The following SDC3 variants were observed in gnomAD, a reference collection of about 807,000 sequenced individuals.
SDC3 encodes the protein syndecan 3.
SDC3 carries 13 observed loss-of-function variants against 24.4 expected under a neutral mutation model. That is an observed-to-expected ratio of 0.53 (90% CI 0.35 to 0.85). SDC3 has a LOEUF of 0.85. Among genes scored for constraint, SDC3 ranks in the 40% least tolerant of loss-of-function variants. The probability of loss-of-function intolerance (pLI) is 0.01; values close to 1 mark genes in which losing one functional copy is unlikely to be tolerated. For synonymous variants in SDC3, 295 were observed against 260.9 expected, an observed-to-expected ratio of 1.13 and a Z score of -1.26; for missense variants, 571 against 584.5, an observed-to-expected ratio of 0.98 and a Z score of 0.24.
intron 1 of SDC3, among the ~76,000 whole-genome samples, chr1:30,881,055 G>A (rs1283210160): frequency 7.8e-6 from 1 of 128,402 alleles, no homozygotes; most frequent in Middle Eastern, 4.7e-3. Flanking sequence ...ACACACACAC[G>A]ACAGCCCAAC....
At position 30,877,087 on chromosome 1, in the gene SDC3, G is replaced by A. The variant is rs764498159; in HGVS notation, c.335C>T (p.Ala112Val). The change falls in exon 3 of 5, where the codon GCG becomes GTG. Residue 112 changes from alanine (A) to valine (V), a missense_variant. By Grantham distance (64) the Ala-to-Val change is moderately conservative. Transcript: ENST00000339394. ...CTGGATGTTCGTGGTGGGCAGCACC[G>A]CAGGTGTGGTGGACACCGCCAGGGC... ...DVALAVSTTP[A>V]VLPTTNIQPV... is the part of the protein sequence containing the mutation. 20 of 1,613,842 alleles carry A rather than the reference G, an allele frequency of 1.2e-5. No individual in the cohort carries two copies. The highest frequency in any genetic ancestry group is 5.0e-5 in the Admixed American group (3 of 59,988).
chr1:30,894,132 T>A lies in SDC3; in HGVS notation c.138+14317A>T, dbSNP rs538599436. On this transcript the variant is annotated intron_variant, in intron 1 of 4. Transcript: ENST00000339394. ...TCAGAGCCCCAGCAGTGTGTGTGTG[T>A]GAGAGAGAGTGTGTGATTGTGAGTG... 5.3e-5 allele frequency among the ~76,000 whole-genome samples: 8 copies of A among 151,356 alleles called. No homozygotes were observed. The South Asian group carries it at 8.4e-4, about 16-fold the overall frequency.
chr1:30,896,951 A>G (rs1348246818), intron 1 of SDC3, among the ~76,000 whole-genome samples: 2 of 152,218 alleles, frequency 1.3e-5, no homozygotes, highest in Admixed American at 6.5e-5. Flanking sequence ...CAACAGAGTA[A>G]AAGTCCATGC....
chr1:30,908,619 G>A lies in SDC3; in HGVS notation c.-33C>T, dbSNP rs1179357161. On this transcript the variant is annotated 5_prime_UTR_variant, in exon 1 of 5. Coordinates refer to ENST00000339394, the MANE Select transcript of SDC3 (RefSeq NM_014654.4). ...GCGCGGGCGCGGGCGGCGGGCGGCG[G>A]GCGGGCGCCTTTGTTCCCGAGGCGC... The A allele has an allele frequency of 2.2e-6, 2 of 899,552 alleles. No homozygotes were observed. The highest frequency in any genetic ancestry group is 2.6e-6 in the Non-Finnish European group (2 of 755,310). The allele number at this position is 899,552 out of a possible 1,614,324, so 55.7% of individuals were successfully genotyped here.
rs555953688 is a variant in SDC3, at chr1:30,906,102, GATCTAACCTC to G, written c.138+2337_138+2346del. 3.1e-3 allele frequency among the ~76,000 whole-genome samples: 475 copies of G among 152,246 alleles called. 5 individuals carry two copies. Among genetic ancestry groups the G allele is most frequent in the African/African-American group, 0.011 (447 of 41,550 alleles). On this transcript the variant is annotated intron_variant, in intron 1 of 4. Coordinates refer to ENST00000339394, the MANE Select transcript of SDC3 (RefSeq NM_014654.4). ...GAGCTTCCCTGGCTGGGGCTCTTCTGATCTAACCTCAGTCCCTCCTGCTGCAGGCACTGCC... is the reference window on the plus strand; with the variant it reads ...GAGCTTCCCTGGCTGGGGCTCTTCTGAGTCCCTCCTGCTGCAGGCACTGCC...
intron 1 of SDC3, among the ~76,000 whole-genome samples, chr1:30,885,837 A>T (rs1300483673): frequency 6.6e-6 from 1 of 152,156 alleles, no homozygotes; most frequent in Non-Finnish European, 1.5e-5. Context: ...TGAGGTGCAG[A>T]CTGGCTGCCC....
At chr1:30,907,980 C>A (rs932979108) in intron 1 of SDC3, among the ~76,000 whole-genome samples, 22 of 152,230 alleles carry the variant, frequency 1.4e-4, no homozygotes, top group Admixed American at 6.5e-5. Context: ...CTCACTCCCA[C>A]CCCAAGACAC....
intron 1 of SDC3, among the ~76,000 whole-genome samples, chr1:30,891,721 C>T (rs746213155): frequency 6.6e-5 from 10 of 151,966 alleles, no homozygotes; most frequent in East Asian, 5.8e-4. Context: ...GGCATGGTGG[C>T]GCACACCTGT....
Position 30,876,873 on chromosome 1 carries a change from C to T in SDC3, c.549G>A (p.Val183=), listed in dbSNP as rs1360753195. 1.9e-6 allele frequency: 3 copies of T among 1,613,536 alleles called. No individual in the cohort carries two copies. Among genetic ancestry groups the T allele is most frequent in the East Asian group, 4.5e-5 (2 of 44,872 alleles). The change falls in exon 3 of 5, where the codon GTG becomes GTA. Residue 183 remains valine (V), a synonymous_variant. Coordinates refer to ENST00000339394, the MANE Select transcript of SDC3 (RefSeq NM_014654.4). Reference sequence around the variant, plus strand: ...CAGGGGTGCTGGGGGTGGCGGTGGCCACTGTGGCAGGCACTGTGGCCACAG... The same window carrying T: ...CAGGGGTGCTGGGGGTGGCGGTGGCTACTGTGGCAGGCACTGTGGCCACAG... ...DPTVATVPAT[V]ATATPSTPAA...
chr1:30,874,725 G>A (rs1474100549), intron 3 of SDC3, 137 bp from the exon 4 acceptor site: 2 of 804,068 alleles, frequency 2.5e-6, no homozygotes, highest in Non-Finnish European at 4.0e-6. Context: ...TCCCCATGAA[G>A]GAGTGTAACA....
chr1:30,876,721 G>T lies in SDC3; in HGVS notation c.701C>A (p.Thr234Asn), dbSNP rs772320473. The T allele has an allele frequency of 7.5e-6, 12 of 1,595,704 alleles. No homozygotes were observed. The highest frequency in any genetic ancestry group is 1.0e-5 in the Non-Finnish European group (12 of 1,170,528). ...ATTPEAPSPP[T>N]TAAVLDTEAP... is the part of the protein sequence containing the mutation. The stretch of plus-strand genomic sequence containing the variant: ...CTCGGTGTCCAAGACAGCCGCCGTG[G>T]TGGGCGGGGAGGGCGCCTCGGGGGT... Residue 234 changes from threonine to asparagine, a missense_variant, in exon 3 of 5, where the codon ACC becomes AAC. Thr to Asn is a moderately conservative substitution (Grantham distance 65, BLOSUM62 0). This residue lies in a region of SDC3 where 497 missense variants were observed against 471.6 expected (regional missense o/e 1.05). Coordinates refer to ENST00000339394, the MANE Select transcript of SDC3 (RefSeq NM_014654.4).
intron 1 of SDC3, among the ~76,000 whole-genome samples, chr1:30,906,283 C>T (rs528639885): frequency 6.6e-6 from 1 of 152,126 alleles, no homozygotes; most frequent in Non-Finnish European, 1.5e-5. Context: ...ACTCCACTTC[C>T]CACCACCTCA....
At chr1:30,891,057 AG>A (rs1639897086) in intron 1 of SDC3, among the ~76,000 whole-genome samples, 1 of 152,200 alleles carries the variant, frequency 6.6e-6, no homozygotes, top group South Asian at 2.1e-4. Flanking sequence ...CCTCGACCCC[AG>A]CATTCCAGCT....
intron 1 of SDC3, among the ~76,000 whole-genome samples, chr1:30,893,704 T>C (rs1639941405): frequency 6.6e-6 from 1 of 152,168 alleles, no homozygotes; most frequent in Admixed American, 6.5e-5. Context: ...GAGGCCCTAG[T>C]GCCGAAGACT....
rs72657263 is a variant in SDC3, at chr1:30,906,441, A to C, written c.138+2008T>G. On this transcript the variant is annotated intron_variant, in intron 1 of 4. Transcript: ENST00000339394. ...CAGGTCACCCGTGTTGCGAGGCCCT[A>C]CTGTGCATGAGGCTATTAAATGCTC... is the stretch of plus-strand genomic sequence containing the variant. Among the ~76,000 whole-genome samples, 426 of 152,230 alleles carry C rather than the reference A, an allele frequency of 2.8e-3. 1 individual carries two copies. Among genetic ancestry groups the C allele is most frequent in the Non-Finnish European group, 3.9e-3 (265 of 68,016 alleles).
chr1:30,894,545 TGA>T (rs2124335642), intron 1 of SDC3, among the ~76,000 whole-genome samples: 1 of 127,296 alleles, frequency 7.9e-6, no homozygotes, highest in African/African-American at 3.2e-5. Context: ...TGTGCGTGGA[TGA>T]GTGTGTGTGG....
At chr1:30,878,408 T>TGG in intron 2 of SDC3, 1 of 510,544 alleles carries the variant, frequency 2.0e-6, no homozygotes, top group African/African-American at 1.9e-5. Context: ...GACCTGGACA[T>TGG]TCTGGGCCCT....
At chr1:30,873,955 G>A (rs931135173) in intron 4 of SDC3, among the ~76,000 whole-genome samples, 1 of 152,028 alleles carries the variant, frequency 6.6e-6, no homozygotes, top group Non-Finnish European at 1.5e-5. Context: ...GCTGAAGGAT[G>A]GGTCAGAGAT....
intron 1 of SDC3, among the ~76,000 whole-genome samples, chr1:30,906,753 G>A (rs1638526498): frequency 6.6e-6 from 1 of 152,326 alleles, no homozygotes; most frequent in Admixed American, 6.5e-5. Context: ...CCACGAATCG[G>A]CGGGGGTAGC....
Sources: gnomAD v4.1 joint callset for allele counts (sites outside exome capture counted in the v4.1 genomes callset) on GRCh38, gnomAD v4.1.1 for gene constraint, gnomAD v4.1.1 regional missense constraint, MANE v1.5 for transcripts, NCBI Gene and HGNC (gene_info 2026-07-23, HGNC 2026-07-21) for gene names.